DCAF8L2: variants seen among roughly 807,000 people sequenced by gnomAD.
The protein encoded by DCAF8L2 is DDB1 and CUL4 associated factor 8 like 2, also known as DDB1- and CUL4-associated factor 8-like protein 2.
For synonymous variants in DCAF8L2, 200 were observed against 190.9 expected (o/e 1.05, Z -0.39); for missense variants, 430 against 490.7 (o/e 0.88, Z 1.17).
chrX:27,493,795 C>T, the DCAF8L2 span, among the ~76,000 whole-genome samples: 13 of 109,597 alleles, frequency 1.2e-4, no homozygotes, highest in Non-Finnish European at 2.1e-4. Context: ...GCTTCCCACT[C>T]TTAGCCCCTG....
intron 2 of DCAF8L2, among the ~76,000 whole-genome samples, chrX:27,666,756 A>G (rs1237796377): frequency 8.9e-6 from 1 of 112,246 alleles, no homozygotes; most frequent in Non-Finnish European, 1.9e-5. Context: ...ATCATGTGCC[A>G]TCTTTTATCT....
chrX:27,603,724 TA>T (rs1483608756), intron 1 of DCAF8L2, among the ~76,000 whole-genome samples: 1 of 111,987 alleles, frequency 8.9e-6, no homozygotes, highest in Non-Finnish European at 1.9e-5. Context: ...CTGATAGCCA[TA>T]GGTGCACATT....
the DCAF8L2 span, among the ~76,000 whole-genome samples, chrX:27,494,668 T>C: frequency 8.9e-6 from 1 of 111,852 alleles, no homozygotes; most frequent in Non-Finnish European, 1.9e-5. Flanking sequence ...GACTTGGCAT[T>C]TGTCATTGCA....
the DCAF8L2 span, among the ~76,000 whole-genome samples, chrX:27,537,180 G>A: frequency 8.9e-6 from 1 of 112,103 alleles, no homozygotes; most frequent in African/African-American, 3.2e-5. Flanking sequence ...CAAAACAAAA[G>A]TGAATAGAGC....
At chrX:27,663,397 G>A (rs1440708937) in intron 2 of DCAF8L2, among the ~76,000 whole-genome samples, 2 of 111,679 alleles carry the variant, frequency 1.8e-5, no homozygotes, top group Non-Finnish European at 3.8e-5. Flanking sequence ...CCAACAGCAT[G>A]GACTCAATTT....
chrX:27,487,673 TAA>T, the DCAF8L2 span, among the ~76,000 whole-genome samples: 1 of 112,477 alleles, frequency 8.9e-6, no homozygotes, highest in African/African-American at 3.2e-5. Context: ...TCACTGTTTT[TAA>T]GTGTTAAATT....
intron 4 of DCAF8L2, among the ~76,000 whole-genome samples, chrX:27,728,988 A>AT (rs1921031780): frequency 1.8e-5 from 2 of 112,001 alleles, no homozygotes; most frequent in African/African-American, 6.5e-5. Flanking sequence ...TCTCAAGTGA[A>AT]TTTTTTTAAG....
chrX:27,728,597 C>T (rs1246380063), intron 4 of DCAF8L2, among the ~76,000 whole-genome samples: 1 of 111,453 alleles, frequency 9.0e-6, no homozygotes, highest in East Asian at 2.8e-4. Context: ...CTGCTCCAGC[C>T]ATTCCGGCCC....
At chrX:27,479,678 C>T in the DCAF8L2 span, among the ~76,000 whole-genome samples, 1 of 111,830 alleles carries the variant, frequency 8.9e-6, no homozygotes. Context: ...AAAGAGGAAA[C>T]ATAATTTTGA....
At chrX:27,668,748 T>A (rs781343653) in intron 2 of DCAF8L2, among the ~76,000 whole-genome samples, 1 of 110,642 alleles carries the variant, frequency 9.0e-6, no homozygotes, top group South Asian at 3.9e-4. Flanking sequence ...AGGTCGGGAG[T>A]TCGAGACCAG....
At chrX:27,546,244 C>T in the DCAF8L2 span, among the ~76,000 whole-genome samples, 1 of 112,080 alleles carries the variant, frequency 8.9e-6, no homozygotes, top group Non-Finnish European at 1.9e-5. Flanking sequence ...CCTTTGACTT[C>T]ATGTCTCACA....
intron 1 of DCAF8L2, among the ~76,000 whole-genome samples, chrX:27,594,443 G>T (rs924664031): frequency 1.8e-5 from 2 of 110,429 alleles, no homozygotes; most frequent in Middle Eastern, 5.4e-3. Flanking sequence ...AGAATACTGA[G>T]AATATATATA....
In DCAF8L2 at chrX:27,708,681, G is replaced by A. The variant is rs185057994; in HGVS notation, c.-142-7407G>A. 4.4e-3 allele frequency among the ~76,000 whole-genome samples: 493 copies of A among 112,264 alleles called. 2 individuals are homozygous for A. The highest frequency in any genetic ancestry group is 9.2e-3 in the Middle Eastern group (2 of 218). ...CTACATAGACTGATATTTAGTAGAT[G>A]CCAAAGGCATTGCTACAGAAGAATT... On this transcript the variant is annotated intron_variant, in intron 3 of 4. Coordinates refer to ENST00000451261, the MANE Select transcript of DCAF8L2 (RefSeq NM_001353450.2).
the DCAF8L2 span, among the ~76,000 whole-genome samples, chrX:27,529,645 A>G: frequency 8.9e-6 from 1 of 112,056 alleles, no homozygotes; most frequent in African/African-American, 3.2e-5. Flanking sequence ...CCAATTAGTG[A>G]TAGATATTTT....
the DCAF8L2 span, among the ~76,000 whole-genome samples, chrX:27,549,493 G>T: frequency 9.0e-6 from 1 of 111,259 alleles, no homozygotes; most frequent in African/African-American, 3.3e-5. Flanking sequence ...ATAAAATATA[G>T]AGATTGCCAG....
At chrX:27,656,622 G>A (rs1192957017) in intron 2 of DCAF8L2, among the ~76,000 whole-genome samples, 2 of 111,642 alleles carry the variant, frequency 1.8e-5, no homozygotes, top group African/African-American at 6.5e-5. Flanking sequence ...AGCTAGGGTG[G>A]CCCTATTTCT....
At chrX:27,583,467 C>G in the DCAF8L2 span, among the ~76,000 whole-genome samples, 1 of 110,904 alleles carries the variant, frequency 9.0e-6, no homozygotes, top group East Asian at 2.8e-4. Flanking sequence ...TCTTTACCCT[C>G]TTTTTGGGCC....
chrX:27,748,439 C>T lies in DCAF8L2; in HGVS notation c.1544C>T (p.Thr515Ile). 1 of 1,207,016 alleles carries T rather than the reference C, an allele frequency of 8.3e-7. No individual in the cohort carries two copies. Among genetic ancestry groups the T allele is most frequent in the Non-Finnish European group, 1.1e-6 (1 of 892,702 alleles). Residue 515 changes from threonine (T) to isoleucine (I), a missense_variant, in exon 5 of 5, where the codon ACA (threonine) becomes ATA (isoleucine). Physicochemically the swap from Thr to Ile is moderately conservative, Grantham distance 89 (BLOSUM62 -1). Coordinates refer to ENST00000451261, the MANE Select transcript of DCAF8L2 (RefSeq NM_001353450.2). Reference sequence around the variant, plus strand: ...TTCCTAAAGGGGAGCAGAGAAGGTACAATAAACTGTCTTGAACCCCACCCT... The same window carrying T: ...TTCCTAAAGGGGAGCAGAGAAGGTATAATAAACTGTCTTGAACCCCACCCT... ...IQFLKGSREG[T>I]INCLEPHPYL...
At chrX:27,691,172 GCAATTCAT>G (rs1209107893) in intron 3 of DCAF8L2, among the ~76,000 whole-genome samples, 368 of 111,480 alleles carry the variant, frequency 3.3e-3, no homozygotes, top group African/African-American at 0.011. Flanking sequence ...TCAAATTGCA[GCAATTCAT>G]TAACATGTGA....
Sources: allele counts gnomAD v4.1 joint callset (sites outside exome capture counted in the v4.1 genomes callset), GRCh38; gene constraint gnomAD v4.1.1; transcripts MANE v1.5; gene names NCBI Gene and HGNC (gene_info 2026-07-23, HGNC 2026-07-21).